NAALAD2: variants seen among roughly 807,000 people sequenced by gnomAD.
The protein encoded by NAALAD2 is N-acetylated alpha-linked acidic dipeptidase 2, also known as N-acetylated-alpha-linked acidic dipeptidase 2.
In NAALAD2, 89 loss-of-function variants were observed where a neutral mutation model predicts 95.6. The ratio of observed to expected loss-of-function variants is 0.93; its 90% CI spans 0.78 to 1.11. The LOEUF is 1.11. Ranked by LOEUF, NAALAD2 falls within the 50% of genes least tolerant of loss-of-function variation. The pLI, the probability that NAALAD2 is intolerant of heterozygous loss-of-function variation, is 0.00. For synonymous variants in NAALAD2, 264 were observed against 294.4 expected (o/e 0.90, Z 1.06); for missense variants, 894 against 872.4 (o/e 1.02, Z -0.31).
chr11:90,186,003 TGAA>T (rs1857130098), intron 18 of NAALAD2, among the ~76,000 whole-genome samples: 1 of 152,116 alleles, frequency 6.6e-6, no homozygotes, highest in South Asian at 2.1e-4. Flanking sequence ...TTGCTTACAC[TGAA>T]GAACTTGTAA....
intron 6 of NAALAD2, 127 bp from the exon 7 acceptor site, chr11:90,158,018 C>T: frequency 1.4e-6 from 1 of 719,990 alleles, no homozygotes; most frequent in Non-Finnish European, 2.4e-6. Context: ...CACGCCTGGC[C>T]AGGAACTTTT....
intron 11 of NAALAD2, chr11:90,164,343 T>A (rs1952377773): frequency 6.6e-6 from 1 of 152,248 alleles, no homozygotes; most frequent in African/African-American, 2.4e-5. Context: ...AGTTCTTAAA[T>A]GTAGAAGGTA....
rs1208766626 is a variant in NAALAD2, at chr11:90,186,353, T to G, written c.2033+3345T>G. Among the ~76,000 whole-genome samples, 28 of 152,318 alleles carry G rather than the reference T, an allele frequency of 1.8e-4. No homozygotes were observed. In the South Asian group the frequency reaches 3.1e-3, roughly 17 times the overall value. On this transcript the variant is annotated intron_variant, in intron 18 of 18. Transcript: ENST00000534061. ...TTCATCCATGTCCCTACAAAAGACA[T>G]GAACTCATCATTTTTTATGGCTGCA...
intron 8 of NAALAD2, among the ~76,000 whole-genome samples, chr11:90,159,848 G>T (rs1275406140): frequency 7.1e-6 from 1 of 140,440 alleles, no homozygotes; most frequent in African/African-American, 2.5e-5. Context: ...CAGCTACTTG[G>T]GAGGCTGAGG....
chr11:90,189,250 T>A (rs1857252470), intron 18 of NAALAD2, among the ~76,000 whole-genome samples: 1 of 152,046 alleles, frequency 6.6e-6, no homozygotes, highest in East Asian at 1.9e-4. Flanking sequence ...GTGACCCTGA[T>A]CATACCTTGA....
At chr11:90,177,586 GTTTTTTTTTTTTTTTTTTTTT>G (rs57694347) in intron 15 of NAALAD2, among the ~76,000 whole-genome samples, 55 of 28,460 alleles carry the variant, frequency 1.9e-3, no homozygotes, top group Admixed American at 0.015. Flanking sequence ...TCTTTTTCTT[GTTTTTTTTTTTTTTTTTTTTT>G]TTTTTTTTTT....
At chr11:90,166,693 G>A (rs1041279083) in intron 11 of NAALAD2, among the ~76,000 whole-genome samples, 1 of 152,050 alleles carries the variant, frequency 6.6e-6, no homozygotes, top group Admixed American at 6.5e-5. Flanking sequence ...AAATAAGCCA[G>A]GCGCAGTGGT....
intron 1 of NAALAD2, 104 bp downstream of exon 1, chr11:90,134,944 C>A: frequency 1.6e-6 from 2 of 1,281,886 alleles, no homozygotes; most frequent in South Asian, 1.2e-5. Context: ...TGCGCTAGCC[C>A]TGGCCGGCTG....
intron 16 of NAALAD2, among the ~76,000 whole-genome samples, chr11:90,178,537 G>C (rs897931343): frequency 1.3e-5 from 2 of 152,100 alleles, no homozygotes; most frequent in Non-Finnish European, 2.9e-5. Flanking sequence ...TGGGCATGGT[G>C]GTGGGCGCCT....
chr11:90,150,502 C>A lies in NAALAD2; in HGVS notation c.504C>A (p.Asn168Lys). 1 of 1,606,664 alleles carries A rather than the reference C, an allele frequency of 6.2e-7. No individual in the cohort carries two copies. The highest frequency in any genetic ancestry group is 8.5e-7 in the Non-Finnish European group (1 of 1,175,394). The change falls in exon 5 of 19, where the codon AAC becomes AAA. Residue 168 changes from asparagine (N) to lysine (K), a missense_variant. Transcript: ENST00000534061. ...TATAGGGAGATCTTGTATATGTGAA[C>A]TATGCTCGCACTGAAGACTTTTTCA... ...GMPEGDLVYV[N>K]YARTEDFFKL... is the part of the protein sequence containing the mutation.
rs150399686 is a variant in NAALAD2, at chr11:90,185,072, A to T, written c.2033+2064A>T. On this transcript the variant is annotated intron_variant, in intron 18 of 18. Transcript: ENST00000534061. The stretch of plus-strand genomic sequence containing the variant: ...TATATAAGGGAGTTGAGCATCCTTA[A>T]ATTCTGGTATCCAAAGGGGATTCTG... 5.5e-3 allele frequency among the ~76,000 whole-genome samples: 831 copies of T among 152,118 alleles called. 8 individuals carry two copies. The highest frequency in any genetic ancestry group is 0.019 in the African/African-American group (780 of 41,506).
intron 16 of NAALAD2, among the ~76,000 whole-genome samples, chr11:90,180,525 A>T (rs1377673667): frequency 6.6e-6 from 1 of 152,032 alleles, no homozygotes; most frequent in Non-Finnish European, 1.5e-5. Flanking sequence ...GGTCAGACCT[A>T]ATAGAAATTA....
chr11:90,188,303 T>C (rs533765475), intron 18 of NAALAD2, among the ~76,000 whole-genome samples: 21 of 152,348 alleles, frequency 1.4e-4, no homozygotes, highest in African/African-American at 5.0e-4. Flanking sequence ...ACATTGTACA[T>C]ATTTTAAAAT....
chr11:90,137,422 T>A (rs2186604), intron 2 of NAALAD2, among the ~76,000 whole-genome samples: 68,233 of 152,022 alleles, frequency 0.45, 16,289 homozygotes, highest in African/African-American at 0.61. Context: ...TCCTAACTAC[T>A]CTGATTTGAT....
chr11:90,147,581 AG>A, intron 3 of NAALAD2, 65 bp downstream of exon 3: 1 of 1,388,444 alleles, frequency 7.2e-7, no homozygotes, highest in South Asian at 1.4e-5. Flanking sequence ...ATTGTAATGT[AG>A]GGTCAAGTAA....
chr11:90,183,408 T>C (rs1398759224), intron 18 of NAALAD2, among the ~76,000 whole-genome samples: 6 of 152,198 alleles, frequency 3.9e-5, no homozygotes, highest in East Asian at 3.8e-4. Flanking sequence ...CATTTCACTT[T>C]ATGAAAGGTC....
At chr11:90,150,716 T>TC in intron 5 of NAALAD2, 109 bp downstream of exon 5, 1 of 965,136 alleles carries the variant, frequency 1.0e-6, no homozygotes, top group Non-Finnish European at 1.3e-6. Flanking sequence ...ACATTTCTTT[T>TC]CTTTTTTTCT....
At chr11:90,177,586 G>GTTTTTTTCTTT (rs1952833472) in intron 15 of NAALAD2, among the ~76,000 whole-genome samples, 1 of 28,456 alleles carries the variant, frequency 3.5e-5, no homozygotes, top group Non-Finnish European at 6.2e-5. Context: ...TCTTTTTCTT[G>GTTTTTTTCTTT]TTTTTTTTTT....
chr11:90,167,285 G>T (rs900624364), intron 11 of NAALAD2, among the ~76,000 whole-genome samples: 1 of 152,152 alleles, frequency 6.6e-6, no homozygotes, highest in Admixed American at 6.5e-5. Context: ...CCTCGGAGGC[G>T]CCGGCCAGCC....
Sources: gnomAD v4.1 joint callset for allele counts (sites outside exome capture counted in the v4.1 genomes callset) on GRCh38, gnomAD v4.1.1 for gene constraint, MANE v1.5 for transcripts, NCBI Gene and HGNC (gene_info 2026-07-23, HGNC 2026-07-21) for gene names.